Variants in EPHA3 observed in about 807,000 individuals in gnomAD.
EPHA3 encodes the protein EPH receptor A3.
A neutral mutation model predicts 107.1 loss-of-function variants in EPHA3; 42 were observed. The ratio of observed to expected loss-of-function variants is 0.39; its 90% CI spans 0.31 to 0.51. The LOEUF (loss-of-function observed/expected upper bound fraction) is 0.51, where lower values mean the gene tolerates loss of function less well. Ranked by LOEUF, EPHA3 falls within the 20% of genes least tolerant of loss-of-function variation. The pLI, the probability that EPHA3 is intolerant of heterozygous loss-of-function variation, is 0.78. For synonymous variants in EPHA3, 461 were observed against 424.8 expected (o/e 1.09, Z -1.05); for missense variants, 1,183 against 1,211.2 (o/e 0.98, Z 0.35).
chr3:89,172,907 A>G (rs1356441435), intron 2 of EPHA3, among the ~76,000 whole-genome samples: 4 of 152,220 alleles, frequency 2.6e-5, no homozygotes, highest in Non-Finnish European at 5.9e-5. Flanking sequence ...CTTAATGACC[A>G]GAGTGACTTG....
intron 13 of EPHA3, among the ~76,000 whole-genome samples, chr3:89,434,270 T>A (rs1417309008): frequency 6.6e-6 from 1 of 152,158 alleles, no homozygotes; most frequent in East Asian, 1.9e-4. Flanking sequence ...CATGCTGGAG[T>A]GCAGTGGCGC....
At chr3:89,272,282 A>AT (rs36048151) in intron 3 of EPHA3, among the ~76,000 whole-genome samples, 29,142 of 150,056 alleles carry the variant, frequency 0.19, 2,771 homozygotes, top group Middle Eastern at 0.27. Flanking sequence ...ATGTATTACC[A>AT]TTTTTTTTTG....
chr3:89,472,676 T>G (rs1450423534), intron 16 of EPHA3, 57 bp downstream of exon 16: 81 of 1,471,944 alleles, frequency 5.5e-5, no homozygotes, highest in South Asian at 5.9e-5. Context: ...TTTCTTGGCT[T>G]GACATGAAAG....
intron 3 of EPHA3, among the ~76,000 whole-genome samples, chr3:89,234,594 G>C (rs1174610252): frequency 6.6e-6 from 1 of 152,178 alleles, no homozygotes; most frequent in Non-Finnish European, 1.5e-5. Flanking sequence ...GTGAATTTCA[G>C]TAGTGTACTT....
Position 89,241,575 on chromosome 3 carries a change from C to T in EPHA3, c.814+31055C>T, listed in dbSNP as rs1280053957. On this transcript the variant is annotated intron_variant, in intron 3 of 16. Coordinates refer to ENST00000336596, the MANE Select transcript of EPHA3 (RefSeq NM_005233.6). ...ATAGCATTTATTGGGCTCTTTGTGA[C>T]AGGCATTGTTCATTTGTATAGTAGT... Among the ~76,000 whole-genome samples the T allele has an allele frequency of 2.0e-5, 3 of 152,096 alleles. No homozygotes were observed. In the East Asian group the frequency reaches 5.8e-4, roughly 29 times the overall value.
At chr3:89,436,232 C>T (rs1483266348) in intron 13 of EPHA3, among the ~76,000 whole-genome samples, 1 of 152,112 alleles carries the variant, frequency 6.6e-6, no homozygotes, top group Non-Finnish European at 1.5e-5. Context: ...GCAATATACC[C>T]AGCTTAGACA....
At chr3:89,228,479 C>T (rs1405152334) in intron 3 of EPHA3, among the ~76,000 whole-genome samples, 1 of 151,790 alleles carries the variant, frequency 6.6e-6, no homozygotes, top group African/African-American at 2.4e-5. Context: ...TATGGAGAAG[C>T]ATAATGACAA....
intron 5 of EPHA3, among the ~76,000 whole-genome samples, chr3:89,379,524 TGGA>T (rs929464131): frequency 1.3e-5 from 2 of 152,184 alleles, no homozygotes; most frequent in African/African-American, 4.8e-5. Flanking sequence ...GATATATACT[TGGA>T]GGAGAAGTAG....
chr3:89,341,103 T>C (rs1444437727), intron 4 of EPHA3, 32 bp downstream of exon 4: 1 of 1,594,700 alleles, frequency 6.3e-7, no homozygotes, highest in African/African-American at 1.4e-5. Context: ...CATGCCTCCA[T>C]GTTTGTTTTG....
intron 3 of EPHA3, among the ~76,000 whole-genome samples, chr3:89,326,440 G>T (rs1707167978): frequency 6.6e-6 from 1 of 151,918 alleles, no homozygotes; most frequent in Admixed American, 6.6e-5. Context: ...CCAGGCTGGA[G>T]TGCAGTAATG....
intron 3 of EPHA3, among the ~76,000 whole-genome samples, chr3:89,323,447 A>G (rs1349492459): frequency 1.3e-5 from 2 of 152,154 alleles, no homozygotes; most frequent in African/African-American, 2.4e-5. Flanking sequence ...TAAAATGTGC[A>G]GATCAAAATA....
intron 2 of EPHA3, among the ~76,000 whole-genome samples, chr3:89,178,699 T>G (rs1359074908): frequency 6.6e-6 from 1 of 151,876 alleles, no homozygotes; most frequent in Non-Finnish European, 1.5e-5. Context: ...AAAATAATAA[T>G]ATTTTCAATA....
chr3:89,428,530 AT>A (rs1182559336), intron 11 of EPHA3, among the ~76,000 whole-genome samples: 17 of 152,040 alleles, frequency 1.1e-4, no homozygotes, highest in Admixed American at 6.6e-4. Flanking sequence ...TCATTTCATA[AT>A]TTTTAAGTGT....
Position 89,354,808 on chromosome 3 carries a change from C to T in EPHA3, c.1306+12718C>T, listed in dbSNP as rs543290045. Reference sequence around the variant, plus strand: ...AGTGAATAAGTGTCTTGTCCATGGCCGCACAACTCCAGAGCCCCTATCTAC... The same window carrying T: ...AGTGAATAAGTGTCTTGTCCATGGCTGCACAACTCCAGAGCCCCTATCTAC... On this transcript the variant is annotated intron_variant, in intron 5 of 16. Transcript: ENST00000336596. 4.6e-5 allele frequency among the ~76,000 whole-genome samples: 7 copies of T among 151,152 alleles called. No homozygotes were observed. The South Asian group carries it at 8.4e-4, about 18-fold the overall frequency.
chr3:89,396,073 T>G, intron 6 of EPHA3, 112 bp downstream of exon 6: 1 of 1,422,454 alleles, frequency 7.0e-7, no homozygotes, highest in Non-Finnish European at 9.5e-7. Context: ...AGAGCACTGT[T>G]TAGAACTGTG....
Position 89,107,727 on chromosome 3 carries a change from C to T in EPHA3, c.-22C>T, listed in dbSNP as rs777761852. On this transcript the variant is annotated 5_prime_UTR_variant, in exon 1 of 17. Coordinates refer to ENST00000336596, the MANE Select transcript of EPHA3 (RefSeq NM_005233.6). ...ATGCTTCATGGAGATATGCTCCTCT[C>T]ACTGCCCTCTGCACCAGCAACATGG... is the stretch of plus-strand genomic sequence containing the variant. 5 of 1,608,136 alleles carry T rather than the reference C, an allele frequency of 3.1e-6. No individual in the cohort carries two copies. In the Admixed American group the frequency reaches 5.0e-5, roughly 16 times the overall value.
At chr3:89,357,096 G>A (rs1707976605) in intron 5 of EPHA3, among the ~76,000 whole-genome samples, 1 of 85,506 alleles carries the variant, frequency 1.2e-5, no homozygotes, top group South Asian at 4.4e-4. Context: ...GAAAGAGTGA[G>A]ACCCTGTCTC....
At chr3:89,362,109 G>A (rs531374044) in intron 5 of EPHA3, among the ~76,000 whole-genome samples, 12 of 151,094 alleles carry the variant, frequency 7.9e-5, no homozygotes, top group African/African-American at 2.9e-4. Flanking sequence ...CTGAAATAAT[G>A]TTTCAGAATT....
chr3:89,412,247 T>C (rs1172047084), intron 9 of EPHA3, among the ~76,000 whole-genome samples: 2 of 151,710 alleles, frequency 1.3e-5, no homozygotes, highest in African/African-American at 4.8e-5. Flanking sequence ...TTAAATCAAA[T>C]TAAAATGATT....
Sources: gnomAD v4.1 joint callset for allele counts (sites outside exome capture counted in the v4.1 genomes callset) on GRCh38, gnomAD v4.1.1 for gene constraint, MANE v1.5 for transcripts, NCBI Gene and HGNC (gene_info 2026-07-23, HGNC 2026-07-21) for gene names.